The following IQCM variants were observed in gnomAD, a reference collection of about 807,000 sequenced individuals.
IQCM encodes IQ domain-containing protein M.
A neutral mutation model predicts 57.6 loss-of-function variants in IQCM; 45 were observed. That is an observed-to-expected ratio of 0.78 (90% confidence interval 0.62 to 1.00). IQCM has a LOEUF of 1.00. IQCM is among the 50% of genes least tolerant of loss of function. The pLI, the probability that IQCM is intolerant of heterozygous loss-of-function variation, is 0.00. For missense variants in IQCM, 468 were observed against 511.6 expected (o/e 0.91, Z 0.82); for synonymous variants, 148 against 158.9 (o/e 0.93, Z 0.51).
chr4:149,453,811 G>A (rs1737388488), intron 12 of IQCM, among the ~76,000 whole-genome samples: 1 of 151,720 alleles, frequency 6.6e-6, no homozygotes. Flanking sequence ...GAGTTTGTCG[G>A]TTCTTCAGTA....
chr4:149,633,395 C>T (rs1757460408), intron 7 of IQCM, among the ~76,000 whole-genome samples: 2 of 151,938 alleles, frequency 1.3e-5, no homozygotes, highest in South Asian at 4.2e-4. Flanking sequence ...AAGTAAAAGG[C>T]TAAGTCTTAA....
intron 12 of IQCM, among the ~76,000 whole-genome samples, chr4:149,438,836 A>G (rs1417138890): frequency 6.6e-6 from 1 of 152,076 alleles, no homozygotes; most frequent in East Asian, 1.9e-4. Flanking sequence ...AGACAGTTAA[A>G]TGATATGCCA....
At chr4:149,759,746 T>C (rs1195650426) in intron 2 of IQCM, among the ~76,000 whole-genome samples, 1 of 152,060 alleles carries the variant, frequency 6.6e-6, no homozygotes. Flanking sequence ...ACCATACCTA[T>C]GAAAAGCAAA....
chr4:149,630,132 T>A (rs1026193008), intron 7 of IQCM, among the ~76,000 whole-genome samples: 1 of 152,186 alleles, frequency 6.6e-6, no homozygotes, highest in African/African-American at 2.4e-5. Flanking sequence ...AACTCTTGAT[T>A]AAGAAAATCA....
At chr4:149,645,787 G>A (rs1758582370) in intron 7 of IQCM, among the ~76,000 whole-genome samples, 2 of 152,052 alleles carry the variant, frequency 1.3e-5, no homozygotes, top group East Asian at 1.9e-4. Flanking sequence ...TCACACTCCA[G>A]ACCTCCTGCC....
intron 7 of IQCM, among the ~76,000 whole-genome samples, chr4:149,634,748 T>G (rs1344195943): frequency 6.6e-6 from 1 of 152,228 alleles, no homozygotes; most frequent in African/African-American, 2.4e-5. Flanking sequence ...TTAGAACAAT[T>G]ACTATATATT....
At chr4:149,782,084 A>G (rs968503622) in intron 2 of IQCM, among the ~76,000 whole-genome samples, 1 of 152,156 alleles carries the variant, frequency 6.6e-6, no homozygotes, top group Admixed American at 6.5e-5. Flanking sequence ...CAATAATAAT[A>G]ATAACAATAC....
intron 12 of IQCM, among the ~76,000 whole-genome samples, chr4:149,519,935 G>A (rs1406482267): frequency 3.3e-5 from 5 of 152,128 alleles, no homozygotes; most frequent in African/African-American, 4.8e-5. Flanking sequence ...AACCTGGGAG[G>A]CAGAGCTTGT....
At chr4:149,584,382 T>C (rs537404215) in intron 9 of IQCM, among the ~76,000 whole-genome samples, 7 of 151,794 alleles carry the variant, frequency 4.6e-5, no homozygotes, top group Admixed American at 2.6e-4. Flanking sequence ...TTATAAGTTT[T>C]CATCTATGAA....
At chr4:149,480,448 A>G (rs1201617749) in intron 12 of IQCM, among the ~76,000 whole-genome samples, 2 of 152,034 alleles carry the variant, frequency 1.3e-5, no homozygotes, top group Admixed American at 6.6e-5. Flanking sequence ...CCAGCCTTCT[A>G]TTCTCTATCT....
chr4:149,427,340 A>C (rs963264654), intron 13 of IQCM, among the ~76,000 whole-genome samples: 4 of 151,980 alleles, frequency 2.6e-5, no homozygotes, highest in Non-Finnish European at 5.9e-5. Context: ...AATCTTCCAA[A>C]TTTCACCTCA....
intron 2 of IQCM, among the ~76,000 whole-genome samples, chr4:149,812,457 ATCTCTCTCTCTCTC>A (rs745971362): frequency 7.2e-6 from 1 of 139,626 alleles, no homozygotes; most frequent in African/African-American, 2.7e-5. Flanking sequence ...TACCTTCTAG[ATCTCTCTCTCTCTC>A]TCTCTCTCTC....
At chr4:149,373,530 C>T (rs747374251) in intron 13 of IQCM, among the ~76,000 whole-genome samples, 1 of 151,998 alleles carries the variant, frequency 6.6e-6, no homozygotes, top group African/African-American at 2.4e-5. Flanking sequence ...TAATGGATGG[C>T]TGTTCAGGAT....
chr4:149,613,891 A>C (rs1400935303), intron 8 of IQCM, among the ~76,000 whole-genome samples: 1 of 152,154 alleles, frequency 6.6e-6, no homozygotes, highest in Non-Finnish European at 1.5e-5. Flanking sequence ...CCTACAAAGG[A>C]CATGAACTCA....
chr4:149,666,589 C>T (rs1213023808), intron 7 of IQCM, among the ~76,000 whole-genome samples: 2 of 152,112 alleles, frequency 1.3e-5, no homozygotes, highest in Non-Finnish European at 2.9e-5. Context: ...CCGTTTACTC[C>T]CCTGGAAAGG....
chr4:149,508,025 G>C (rs1171971813), intron 12 of IQCM, among the ~76,000 whole-genome samples: 1 of 151,912 alleles, frequency 6.6e-6, no homozygotes, highest in Non-Finnish European at 1.5e-5. Context: ...AAGCTGCCAA[G>C]CCTTGGCAGC....
intron 9 of IQCM, among the ~76,000 whole-genome samples, chr4:149,567,615 G>C (rs977498805): frequency 1.3e-5 from 2 of 151,898 alleles, no homozygotes; most frequent in African/African-American, 4.8e-5. Flanking sequence ...TCAAAGTGCT[G>C]GGATTATAGG....
At chr4:149,409,711 T>G (rs1733235978) in intron 13 of IQCM, among the ~76,000 whole-genome samples, 1 of 152,154 alleles carries the variant, frequency 6.6e-6, no homozygotes, top group African/African-American at 2.4e-5. Context: ...TTCTCCCTGG[T>G]GTTTCCTCCA....
In IQCM at chr4:149,714,093, G is replaced by A. The variant is rs182218518; in HGVS notation, c.385+19151C>T. ...TAAAATAGTAGGTGTCAAGGTCATCGTTGACCTCCACAGTGCTAACCCCAA... is the reference window on the plus strand; with the variant it reads ...TAAAATAGTAGGTGTCAAGGTCATCATTGACCTCCACAGTGCTAACCCCAA... On this transcript the variant is annotated intron_variant, in intron 5 of 13. Transcript: ENST00000636793. 1.1e-4 allele frequency among the ~76,000 whole-genome samples: 17 copies of A among 152,184 alleles called. No individual in the cohort carries two copies. In the East Asian group the frequency reaches 1.2e-3, roughly 10 times the overall value.
Sources: allele counts gnomAD v4.1 joint callset (sites outside exome capture counted in the v4.1 genomes callset), GRCh38; gene constraint gnomAD v4.1.1; transcripts MANE v1.5; gene names NCBI Gene and HGNC (gene_info 2026-07-23, HGNC 2026-07-21).